HEXB: variants seen among roughly 807,000 people sequenced by gnomAD.
HEXB encodes beta-hexosaminidase subunit beta.
A neutral mutation model predicts 71.2 loss-of-function variants in HEXB; 51 were observed. The ratio of observed to expected loss-of-function variants is 0.72; its 90% confidence interval spans 0.57 to 0.90. The LOEUF is 0.90. Among genes scored for constraint, HEXB ranks in the 40% least tolerant of loss-of-function variants. HEXB has a pLI of 0.00. For missense variants in HEXB, 617 were observed against 677.0 expected (o/e 0.91, Z 0.98); for synonymous variants, 266 against 249.3 (o/e 1.07, Z -0.63).
intron 1 of HEXB, among the ~76,000 whole-genome samples, chr5:74,678,993 A>G (rs1748686401): frequency 6.6e-6 from 1 of 152,228 alleles, no homozygotes; most frequent in Non-Finnish European, 1.5e-5. Context: ...ATGTGGAATG[A>G]GGTTGTAGAG....
At chr5:74,671,655 T>C (rs1748542289) in intron 1 of HEXB, among the ~76,000 whole-genome samples, 3 of 152,178 alleles carry the variant, frequency 2.0e-5, no homozygotes, top group Admixed American at 2.0e-4. Flanking sequence ...ACTTACCAAA[T>C]TGTATACTTT....
chr5:74,683,640 G>A (rs989218965), upstream of HEXB, among the ~76,000 whole-genome samples: 5 of 151,774 alleles, frequency 3.3e-5, no homozygotes, highest in Non-Finnish European at 5.9e-5. Flanking sequence ...TGAAAAAGAG[G>A]AATTCTAGTT....
intron 1 of HEXB, among the ~76,000 whole-genome samples, chr5:74,646,389 T>C (rs1748001663): frequency 6.6e-6 from 1 of 152,156 alleles, no homozygotes; most frequent in South Asian, 2.1e-4. Context: ...TTCACAGATC[T>C]CTTAGAGTGT....
At chr5:74,693,853 T>G (rs1749054950) in intron 3 of HEXB, 149 bp downstream of exon 3, 3 of 717,186 alleles carry the variant, frequency 4.2e-6, no homozygotes, top group Non-Finnish European at 7.7e-6. Flanking sequence ...CCATTGAACA[T>G]GTACTACATA....
At chr5:74,660,557 G>A (rs554062390) in intron 1 of HEXB, among the ~76,000 whole-genome samples, 1 of 152,278 alleles carries the variant, frequency 6.6e-6, no homozygotes, top group Admixed American at 6.5e-5. Context: ...ATATCATCAA[G>A]CCACTAAATG....
At position 74,708,734 on chromosome 5, in the gene HEXB, A is replaced by G. The variant is rs568166813; in HGVS notation, c.771+3414A>G. Among the ~76,000 whole-genome samples, 280 of 151,584 alleles carry G rather than the reference A, an allele frequency of 1.8e-3. 2 individuals carry two copies. The highest frequency in any genetic ancestry group is 6.3e-3 in the African/African-American group (261 of 41,438). On this transcript the variant is annotated intron_variant, in intron 6 of 13. Coordinates refer to ENST00000261416, the MANE Select transcript of HEXB (RefSeq NM_000521.4). Reference sequence around the variant, plus strand: ...TGGTAAAGGGATCAATTCAACAAGAAGAGCTAACTATCCTAAATATATATG... The same window carrying G: ...TGGTAAAGGGATCAATTCAACAAGAGGAGCTAACTATCCTAAATATATATG...
Position 74,652,344 on chromosome 5 carries a change from G to A in HEXB, c.-377+11786G>A, listed in dbSNP as rs1026226901. ...CCCTCGCTTTCTTTTTCAGAGCTGT[G>A]CTCTCCTAGTGTGTGGGCCTCCTGG... On this transcript the variant is annotated intron_variant, in intron 1 of 13. Coordinates refer to the HEXB transcript ENST00000511181. This position sits in a 1 kb window ranked among gnomAD's most constrained non-coding sequence, Gnocchi z 5.4. Among the ~76,000 whole-genome samples the A allele has an allele frequency of 6.6e-6, 1 of 152,180 alleles. No homozygotes were observed. The highest frequency in any genetic ancestry group is 2.4e-5 in the African/African-American group (1 of 41,436).
intron 1 of HEXB, among the ~76,000 whole-genome samples, chr5:74,663,191 T>TGGGGG (rs58551007): frequency 5.6e-4 from 74 of 131,642 alleles, no homozygotes; most frequent in African/African-American, 1.2e-3. Context: ...TCCTTTTTTT[T>TGGGGG]GGGGGGGTGG....
intron 11 of HEXB, chr5:74,720,170 T>C (rs1383962213): frequency 6.0e-6 from 3 of 497,020 alleles, no homozygotes; most frequent in Non-Finnish European, 7.3e-6. Flanking sequence ...GCCCACTACA[T>C]TAATCTATGG....
intron 1 of HEXB, among the ~76,000 whole-genome samples, chr5:74,676,975 C>T (rs571406161): frequency 1.3e-5 from 2 of 152,146 alleles, no homozygotes; most frequent in Non-Finnish European, 2.9e-5. Flanking sequence ...CAAACTCCAC[C>T]TCCTGGGTTC....
intron 1 of HEXB, among the ~76,000 whole-genome samples, chr5:74,654,035 G>A (rs13173785): frequency 0.43 from 65,109 of 151,918 alleles, 15,116 homozygotes; most frequent in East Asian, 0.63. Context: ...TCCAGGTGTA[G>A]ACAGTGAGTC....
At chr5:74,679,798 CAAAAAAAAAAAAAA>C (rs70976121) in intron 1 of HEXB, among the ~76,000 whole-genome samples, 1 of 38,890 alleles carries the variant, frequency 2.6e-5, no homozygotes, top group African/African-American at 1.2e-4. Flanking sequence ...GACTCCGTCT[CAAAAAAAAAAAAAA>C]AAAAAAAAAA....
intron 2 of HEXB, chr5:74,693,371 G>A: frequency 1.9e-6 from 1 of 515,340 alleles, no homozygotes; most frequent in Non-Finnish European, 3.5e-6. Context: ...CTGGATGGTG[G>A]TGCTGTGACT....
At chr5:74,690,642 A>T (rs1748978823) in intron 2 of HEXB, among the ~76,000 whole-genome samples, 1 of 104,610 alleles carries the variant, frequency 9.6e-6, no homozygotes, top group Admixed American at 1.2e-4. Flanking sequence ...ACAGAGTGAG[A>T]CAGTCTCAAA....
In HEXB at chr5:74,641,943, T is replaced by C. The variant is rs1273925442; in HGVS notation, c.-377+1385T>C. Among the ~76,000 whole-genome samples, 1 of 152,022 alleles carries C rather than the reference T, an allele frequency of 6.6e-6. No homozygotes were observed. Among genetic ancestry groups the C allele is most frequent in the Non-Finnish European group, 1.5e-5 (1 of 68,012 alleles). ...ATGTCCCAGCTCTGCAGCTCGAGAGTGAGGGCCCCACGACAGAGTTTATTC... is the reference window on the plus strand; with the variant it reads ...ATGTCCCAGCTCTGCAGCTCGAGAGCGAGGGCCCCACGACAGAGTTTATTC... On this transcript the variant is annotated intron_variant, in intron 1 of 13. Coordinates refer to the HEXB transcript ENST00000511181. This position sits in a 1 kb window ranked among gnomAD's most constrained non-coding sequence, Gnocchi z 4.1.
Position 74,718,308 on chromosome 5 carries a change from C to A in HEXB, c.1187C>A (p.Ala396Glu). ...AATACTAGGGTTTTGGATATTATTG[C>A]AACCATAAACAAGGGATCCATTGTC... is the stretch of plus-strand genomic sequence containing the variant. ...FYIQKVLDII[A>E]TINKGSIVWQ... The change falls in exon 10 of 14, where the codon GCA becomes GAA. Residue 396 changes from alanine (A) to glutamate (E), a missense_variant. Physicochemically the swap from Ala to Glu is moderately radical, Grantham distance 107 (BLOSUM62 -1). Transcript: ENST00000261416. 1 of 1,609,436 alleles carries A rather than the reference C, an allele frequency of 6.2e-7. No homozygotes were observed. The highest frequency in any genetic ancestry group is 8.5e-7 in the Non-Finnish European group (1 of 1,175,830).
chr5:74,672,730 C>A (rs2112104775), intron 1 of HEXB, among the ~76,000 whole-genome samples: 1 of 152,322 alleles, frequency 6.6e-6, no homozygotes, highest in Admixed American at 6.5e-5. Flanking sequence ...CCTCCTTGTT[C>A]ATATCCACAC....
chr5:74,646,566 A>G (rs1403474066), intron 1 of HEXB, among the ~76,000 whole-genome samples: 1 of 147,248 alleles, frequency 6.8e-6, no homozygotes, highest in Non-Finnish European at 1.5e-5. Flanking sequence ...CAAACAATTC[A>G]TTCTTTTTTT....
At chr5:74,680,875 A>G (rs1480634779), upstream of HEXB, among the ~76,000 whole-genome samples, 2 of 152,228 alleles carry the variant, frequency 1.3e-5, no homozygotes, top group Non-Finnish European at 2.9e-5. Flanking sequence ...ATGGTGTTAC[A>G]TGTTTAGAAA....
Sources: gnomAD v4.1 joint callset for allele counts (sites outside exome capture counted in the v4.1 genomes callset) on GRCh38, gnomAD v4.1.1 for gene constraint, Gnocchi (gnomAD v3.1) non-coding constraint, MANE v1.5 for transcripts, NCBI Gene and HGNC (gene_info 2026-07-23, HGNC 2026-07-21) for gene names.